SMCO2: variants seen among roughly 807,000 people sequenced by gnomAD.
The protein encoded by SMCO2 is single-pass membrane protein with coiled-coil domains 2.
SMCO2 carries 25 observed loss-of-function variants against 29.5 expected under a neutral mutation model. The observed-to-expected ratio is 0.85, with a 90% confidence interval of 0.62 to 1.18. The LOEUF is 1.18. Among genes scored for constraint, SMCO2 ranks in the 50% most tolerant of loss-of-function variants. SMCO2 has a pLI of 0.00. For synonymous variants in SMCO2, 117 were observed against 123.3 expected (o/e 0.95, Z 0.34); for missense variants, 348 against 344.5 (o/e 1.01, Z -0.08).
At chr12:27,427,822 C>T in the SMCO2 span, among the ~76,000 whole-genome samples, 8 of 152,248 alleles carry the variant, frequency 5.3e-5, no homozygotes, top group East Asian at 9.6e-4. Flanking sequence ...GTTTCATAAA[C>T]GCAGAGCCAA....
At chr12:27,500,440 G>A (rs1385109936) in intron 7 of SMCO2, among the ~76,000 whole-genome samples, 1 of 150,560 alleles carries the variant, frequency 6.6e-6, no homozygotes, top group Non-Finnish European at 1.5e-5. Context: ...AATGTGTCTG[G>A]TTATATTTGG....
Position 27,485,968 on chromosome 12 carries a change from AAG to A in SMCO2, c.363-2491_363-2490del, listed in dbSNP as rs1158654104. On this transcript the variant is annotated intron_variant, in intron 4 of 7. Coordinates refer to ENST00000298876, the Ensembl canonical transcript of SMCO2. ...TTTTAATTATTGTAGGGCAGGACCA[AAG>A]CAGCCTTTAGTCTAGGACTAATACG... Among the ~76,000 whole-genome samples the A allele has an allele frequency of 1.7e-4, 26 of 152,336 alleles. No homozygotes were observed. The East Asian group carries it at 4.1e-3, about 24-fold the overall frequency.
intron 6 of SMCO2, 61 bp downstream of exon 7, chr12:27,494,417 AGGG>A: frequency 8.1e-7 from 1 of 1,232,744 alleles, no homozygotes; most frequent in Non-Finnish European, 1.1e-6. Context: ...GTCTAAATAC[AGGG>A]GTCATTCATT....
the SMCO2 span, among the ~76,000 whole-genome samples, chr12:27,460,707 T>C: frequency 6.6e-6 from 1 of 152,098 alleles, no homozygotes; most frequent in Admixed American, 6.5e-5. Context: ...AAAACCCTCA[T>C]ATAAGTGGAC....
At chr12:27,476,237 G>T (rs187638876) in intron 4 of SMCO2, among the ~76,000 whole-genome samples, 3 of 152,204 alleles carry the variant, frequency 2.0e-5, no homozygotes, top group Non-Finnish European at 4.4e-5. Context: ...TGATATGATT[G>T]CAATGTTTTA....
chr12:27,449,013 TA>T, the SMCO2 span, among the ~76,000 whole-genome samples: 1 of 152,164 alleles, frequency 6.6e-6, no homozygotes, highest in Admixed American at 6.5e-5. Context: ...GACTCAAGTG[TA>T]TGTTGGCTCA....
chr12:27,490,036 G>A (rs888476597), intron 5 of SMCO2, among the ~76,000 whole-genome samples: 5 of 152,140 alleles, frequency 3.3e-5, no homozygotes, highest in African/African-American at 1.2e-4. Context: ...TCTCTGTGCT[G>A]GGGATACACA....
In SMCO2 at chr12:27,501,775, C is replaced by A. The variant is rs186199707; in HGVS notation, c.684-148C>A. Reference sequence around the variant, plus strand: ...GAACATAAATAAGTGCTCCTCCATTCCAAGCTGCTGCTTTTACAAATGTAA... The same window carrying A: ...GAACATAAATAAGTGCTCCTCCATTACAAGCTGCTGCTTTTACAAATGTAA... On this transcript the variant is annotated intron_variant, in intron 7 of 7. Transcript: ENST00000298876. The A allele has an allele frequency of 4.9e-4, 293 of 598,168 alleles. 2 individuals are homozygous for A. The highest frequency in any genetic ancestry group is 7.2e-4 in the Non-Finnish European group (259 of 359,744). The allele number at this position is 598,168 out of a possible 1,614,324, so 37.1% of individuals were successfully genotyped here. A position where few individuals can be genotyped will look rare whatever the true frequency, so the allele number is the denominator to read the frequency against.
At chr12:27,437,449 T>G in the SMCO2 span, among the ~76,000 whole-genome samples, 3 of 148,872 alleles carry the variant, frequency 2.0e-5, no homozygotes, top group East Asian at 2.0e-4. Context: ...CAATTTTGGG[T>G]TTTTTTTTTA....
chr12:27,481,619 T>A (rs1949644190), intron 4 of SMCO2, among the ~76,000 whole-genome samples: 1 of 152,228 alleles, frequency 6.6e-6, no homozygotes, highest in Admixed American at 6.5e-5. Flanking sequence ...TTCTTTGTGG[T>A]AAGGTTTTTA....
At chr12:27,482,394 C>T (rs1293130985) in intron 4 of SMCO2, among the ~76,000 whole-genome samples, 5 of 152,170 alleles carry the variant, frequency 3.3e-5, no homozygotes, top group Non-Finnish European at 5.9e-5. Context: ...CTCTGCCTCC[C>T]GGGTTCAAGC....
upstream of SMCO2, among the ~76,000 whole-genome samples, chr12:27,464,074 G>A (rs553863204): frequency 2.0e-5 from 3 of 152,258 alleles, no homozygotes; most frequent in East Asian, 1.9e-4. Flanking sequence ...TGCGAACAGC[G>A]TTTATAACTA....
chr12:27,484,877 T>C (rs1487884051), intron 4 of SMCO2, among the ~76,000 whole-genome samples: 1 of 110,746 alleles, frequency 9.0e-6, no homozygotes, highest in South Asian at 3.4e-4. Context: ...AAAAAATATA[T>C]ATATATATAT....
At chr12:27,426,958 T>C in the SMCO2 span, among the ~76,000 whole-genome samples, 2 of 152,230 alleles carry the variant, frequency 1.3e-5, no homozygotes, top group Non-Finnish European at 2.9e-5. Flanking sequence ...TGACAATTTG[T>C]TTCAAATAAG....
the SMCO2 span, among the ~76,000 whole-genome samples, chr12:27,442,648 G>A: frequency 1.3e-5 from 2 of 152,140 alleles, no homozygotes. Flanking sequence ...CACTTTGTCA[G>A]CCAGTCACTT....
chr12:27,460,168 G>C, the SMCO2 span, among the ~76,000 whole-genome samples: 6,125 of 152,236 alleles, frequency 0.04, 332 homozygotes, highest in African/African-American at 0.12. Flanking sequence ...GACAATGATA[G>C]CAACCACATG....
At chr12:27,464,609 C>T (rs141861909), upstream of SMCO2, among the ~76,000 whole-genome samples, 1 of 148,242 alleles carries the variant, frequency 6.7e-6, no homozygotes, top group South Asian at 2.2e-4. Flanking sequence ...CCCAGCTACT[C>T]GGGAGGCTGA....
the SMCO2 span, among the ~76,000 whole-genome samples, chr12:27,460,365 A>G: frequency 6.6e-6 from 1 of 152,248 alleles, no homozygotes; most frequent in Non-Finnish European, 1.5e-5. Context: ...CCTGTAGACC[A>G]GAAGCCTTAT....
chr12:27,443,247 G>A, the SMCO2 span, among the ~76,000 whole-genome samples: 1 of 152,012 alleles, frequency 6.6e-6, no homozygotes, highest in Non-Finnish European at 1.5e-5. Flanking sequence ...CACATTAATG[G>A]AATTAAGAAT....
Sources: allele counts gnomAD v4.1 joint callset (sites outside exome capture counted in the v4.1 genomes callset), GRCh38; gene constraint gnomAD v4.1.1; transcripts MANE v1.5; gene names NCBI Gene and HGNC (gene_info 2026-07-23, HGNC 2026-07-21).